Variants in TBC1D14 observed in about 807,000 individuals in gnomAD.
The protein encoded by TBC1D14 is TBC1 domain family, member 14.
TBC1D14 carries 26 observed loss-of-function variants against 79.0 expected under a neutral mutation model. The ratio of observed to expected loss-of-function variants is 0.33; its 90% CI spans 0.24 to 0.46. The LOEUF (loss-of-function observed/expected upper bound fraction) is 0.46, where lower values mean the gene tolerates loss of function less well. Among genes scored for constraint, TBC1D14 ranks in the 20% least tolerant of loss-of-function variants. The pLI is 1.00. For synonymous variants in TBC1D14, 394 were observed against 349.9 expected, an observed-to-expected ratio of 1.13 and a Z score of -1.40; for missense variants, 769 against 887.6, an observed-to-expected ratio of 0.87 and a Z score of 1.70.
intron 10 of TBC1D14, 51 bp from the exon 11 acceptor site, chr4:7,010,602 G>A (rs376234965): frequency 8.5e-5 from 135 of 1,592,132 alleles, no homozygotes; most frequent in South Asian, 1.5e-4. Flanking sequence ...AACACACTAC[G>A]GTGACCCTGT....
chr4:6,923,902 C>T lies in TBC1D14; in HGVS notation c.513C>T (p.Ser171=). ...GGACAGAGCTGTCCACCACGCTGTCCGTCAGCAATGAGGACATCTTGGACC... is the reference window on the plus strand; with the variant it reads ...GGACAGAGCTGTCCACCACGCTGTCTGTCAGCAATGAGGACATCTTGGACC... ...SLGTELSTTL[S]VSNEDILDLV... is the part of the protein sequence containing the mutation. Residue 171 remains serine (S), a synonymous_variant, in exon 2 of 14, where the codon TCC becomes TCT. Transcript: ENST00000409757. The T allele has an allele frequency of 6.8e-6, 11 of 1,614,134 alleles. No individual in the cohort carries two copies. The highest frequency in any genetic ancestry group is 2.2e-5 in the East Asian group (1 of 44,882).
At chr4:7,021,734 C>T (rs1057224314) in intron 12 of TBC1D14, among the ~76,000 whole-genome samples, 64 of 151,746 alleles carry the variant, frequency 4.2e-4, no homozygotes, top group African/African-American at 1.5e-3. Flanking sequence ...ATCTACAACG[C>T]AATAATATGC....
chr4:6,999,012 A>G, intron 5 of TBC1D14, 73 bp from the exon 6 acceptor site: 4 of 1,487,774 alleles, frequency 2.7e-6, no homozygotes, highest in South Asian at 1.2e-5. Context: ...GCAGTGTGAC[A>G]GGAAAATCAC....
intron 1 of TBC1D14, among the ~76,000 whole-genome samples, chr4:6,919,946 G>A (rs956405219): frequency 1.3e-5 from 2 of 152,030 alleles, no homozygotes; most frequent in Admixed American, 6.5e-5. Flanking sequence ...ATAGCGTCTC[G>A]CTGTGTTGCC....
At chr4:6,968,971 T>C (rs1399121832) in intron 3 of TBC1D14, among the ~76,000 whole-genome samples, 1 of 152,060 alleles carries the variant, frequency 6.6e-6, no homozygotes, top group Non-Finnish European at 1.5e-5. Context: ...AGGGAGTGGT[T>C]TGTTGGGGGT....
intron 6 of TBC1D14, 127 bp downstream of exon 6, chr4:6,999,329 C>T: frequency 2.4e-6 from 2 of 824,958 alleles, no homozygotes; most frequent in Non-Finnish European, 4.0e-6. Context: ...GCATCATCTT[C>T]CTTCCCTCTA....
intron 12 of TBC1D14, among the ~76,000 whole-genome samples, chr4:7,017,969 T>G (rs1267818846): frequency 6.6e-6 from 1 of 152,166 alleles, no homozygotes; most frequent in African/African-American, 2.4e-5. Flanking sequence ...AAGAACAGAC[T>G]TTACATAAGA....
chr4:6,953,651 A>AAAAAT (rs1714328191), intron 2 of TBC1D14, among the ~76,000 whole-genome samples: 1 of 149,930 alleles, frequency 6.7e-6, no homozygotes, highest in Non-Finnish European at 1.5e-5. Flanking sequence ...AAAAAAAAAA[A>AAAAAT]GAATAGATCA....
At chr4:6,990,719 A>G (rs188223066) in intron 3 of TBC1D14, among the ~76,000 whole-genome samples, 7 of 152,278 alleles carry the variant, frequency 4.6e-5, no homozygotes, top group Middle Eastern at 3.4e-3. Context: ...GCCATTTTAC[A>G]TATCTTATCT....
At chr4:6,933,041 T>C (rs1711912454) in intron 2 of TBC1D14, among the ~76,000 whole-genome samples, 1 of 152,102 alleles carries the variant, frequency 6.6e-6, no homozygotes, top group Admixed American at 6.5e-5. Context: ...ATCATTTCCC[T>C]GATTGCTGTC....
chr4:6,986,046 G>C (rs1428321859), intron 3 of TBC1D14, among the ~76,000 whole-genome samples: 1 of 152,182 alleles, frequency 6.6e-6, no homozygotes, highest in East Asian at 1.9e-4. Flanking sequence ...CTTCGTGCCT[G>C]TTTGCAGTTG....
intron 10 of TBC1D14, among the ~76,000 whole-genome samples, chr4:7,010,426 C>T (rs923744264): frequency 2.1e-5 from 3 of 142,196 alleles, no homozygotes; most frequent in East Asian, 2.4e-4. Context: ...TTTCCATTTG[C>T]GGGGTGGGAG....
At chr4:6,956,615 C>T (rs965188091) in intron 2 of TBC1D14, among the ~76,000 whole-genome samples, 2 of 152,138 alleles carry the variant, frequency 1.3e-5, no homozygotes, top group African/African-American at 2.4e-5. Flanking sequence ...GAAAGGAGGC[C>T]CAGGGACCGG....
chr4:6,950,712 A>G (rs1713959585), intron 2 of TBC1D14, among the ~76,000 whole-genome samples: 1 of 152,242 alleles, frequency 6.6e-6, no homozygotes, highest in African/African-American at 2.4e-5. Context: ...CATGGTAAAG[A>G]ACGTATTTTT....
chr4:6,948,594 G>C (rs566061254), intron 2 of TBC1D14, among the ~76,000 whole-genome samples: 1 of 152,132 alleles, frequency 6.6e-6, no homozygotes, highest in Non-Finnish European at 1.5e-5. Flanking sequence ...TGGGTCTCCC[G>C]TGGGTCCCAC....
chr4:7,021,294 G>A (rs923479556), intron 12 of TBC1D14, among the ~76,000 whole-genome samples: 2 of 152,186 alleles, frequency 1.3e-5, no homozygotes, highest in Non-Finnish European at 2.9e-5. Flanking sequence ...TTTGTTTAGC[G>A]ACATAGAAAT....
chr4:6,936,898 C>CT (rs879368786), intron 2 of TBC1D14, among the ~76,000 whole-genome samples: 194 of 146,450 alleles, frequency 1.3e-3, no homozygotes, highest in Middle Eastern at 3.6e-3. Context: ...TCCGTTTGAG[C>CT]TTTTTTTTTT....
intron 2 of TBC1D14, among the ~76,000 whole-genome samples, chr4:6,962,125 A>G (rs897980113): frequency 6.6e-6 from 1 of 152,130 alleles, no homozygotes; most frequent in Non-Finnish European, 1.5e-5. Flanking sequence ...CACCTGCTGC[A>G]GAAGGAGGGA....
intron 1 of TBC1D14, among the ~76,000 whole-genome samples, chr4:6,911,575 T>TA (rs1455094606): frequency 5.3e-5 from 8 of 152,276 alleles, no homozygotes; most frequent in Non-Finnish European, 1.0e-4. Context: ...TGTTCCCCTG[T>TA]GTTCCTTTAG....
Sources: gnomAD v4.1 joint callset for allele counts (sites outside exome capture counted in the v4.1 genomes callset) on GRCh38, gnomAD v4.1.1 for gene constraint, MANE v1.5 for transcripts, NCBI Gene and HGNC (gene_info 2026-07-23, HGNC 2026-07-21) for gene names.